TMEM132D: variants seen among roughly 807,000 people sequenced by gnomAD.
The protein encoded by TMEM132D is transmembrane protein 132D.
In TMEM132D, 21 loss-of-function variants were observed where a neutral mutation model predicts 62.3. The observed-to-expected ratio is 0.34, with a 90% CI of 0.24 to 0.49. TMEM132D has a LOEUF of 0.49. TMEM132D is among the 20% of genes least tolerant of loss of function. The probability of loss-of-function intolerance (pLI) is 0.99; values close to 1 mark genes in which losing one functional copy is unlikely to be tolerated. For missense variants in TMEM132D, 1,346 were observed against 1,402.8 expected, an observed-to-expected ratio of 0.96 and a Z score of 0.65; for synonymous variants, 621 against 575.6, an observed-to-expected ratio of 1.08 and a Z score of -1.13.
At chr12:129,614,496 T>C (rs1878863495) in intron 2 of TMEM132D, among the ~76,000 whole-genome samples, 1 of 152,240 alleles carries the variant, frequency 6.6e-6, no homozygotes, top group South Asian at 2.1e-4. Flanking sequence ...GCAATCACTC[T>C]GCTATAATCC....
chr12:129,429,853 A>G (rs1000684843), intron 3 of TMEM132D, among the ~76,000 whole-genome samples: 5 of 150,640 alleles, frequency 3.3e-5, no homozygotes, highest in Non-Finnish European at 7.4e-5. Context: ...TGTCCTTGCA[A>G]TAGTTTGCTG....
chr12:129,126,899 C>G (rs986300772), intron 5 of TMEM132D, among the ~76,000 whole-genome samples: 2 of 152,228 alleles, frequency 1.3e-5, no homozygotes, highest in Admixed American at 1.3e-4. Flanking sequence ...GACACTGGCA[C>G]GCTGAGATGC....
At chr12:129,819,105 T>C (rs1872463622) in intron 1 of TMEM132D, among the ~76,000 whole-genome samples, 1 of 151,988 alleles carries the variant, frequency 6.6e-6, no homozygotes, top group Non-Finnish European at 1.5e-5. Context: ...ACACAACTGC[T>C]GTCTTGCGGG....
At chr12:129,366,587 T>A (rs1189616654) in intron 3 of TMEM132D, among the ~76,000 whole-genome samples, 1 of 152,210 alleles carries the variant, frequency 6.6e-6, no homozygotes, top group Non-Finnish European at 1.5e-5. Flanking sequence ...CAGTTTCAGG[T>A]CTTTCTTTAT....
At chr12:129,862,765 T>G (rs1873937484) in intron 1 of TMEM132D, among the ~76,000 whole-genome samples, 1 of 152,148 alleles carries the variant, frequency 6.6e-6, no homozygotes, top group African/African-American at 2.4e-5. Flanking sequence ...TACCCCCATG[T>G]TGGATAAAAC....
chr12:129,109,017 A>G (rs995407457), intron 5 of TMEM132D, among the ~76,000 whole-genome samples: 1 of 152,238 alleles, frequency 6.6e-6, no homozygotes, highest in African/African-American at 2.4e-5. Flanking sequence ...TCAATAATCA[A>G]TTTCTTGTTT....
intron 3 of TMEM132D, among the ~76,000 whole-genome samples, chr12:129,507,462 A>G (rs1046548593): frequency 3.9e-5 from 6 of 152,208 alleles, no homozygotes; most frequent in Admixed American, 2.6e-4. Context: ...AACCAACCCA[A>G]ATGATCATCA....
intron 1 of TMEM132D, among the ~76,000 whole-genome samples, chr12:129,719,714 C>T (rs1399631508): frequency 1.3e-5 from 2 of 152,208 alleles, no homozygotes; most frequent in African/African-American, 2.4e-5. Flanking sequence ...TATTTCAGGG[C>T]CTTCAGCTCC....
chr12:129,642,993 C>T (rs1263011083), intron 2 of TMEM132D, among the ~76,000 whole-genome samples: 1 of 144,012 alleles, frequency 6.9e-6, no homozygotes, highest in African/African-American at 2.6e-5. Flanking sequence ...GGCACAATCT[C>T]GGCTCACTGC....
chr12:129,157,894 A>G (rs1268154101), intron 5 of TMEM132D, among the ~76,000 whole-genome samples: 1 of 152,166 alleles, frequency 6.6e-6, no homozygotes, highest in Non-Finnish European at 1.5e-5. Flanking sequence ...GTGAAGGCCC[A>G]ATTAGGGGAG....
At chr12:129,131,845 A>G (rs889636804) in intron 5 of TMEM132D, among the ~76,000 whole-genome samples, 7 of 152,226 alleles carry the variant, frequency 4.6e-5, no homozygotes, top group African/African-American at 1.7e-4. Context: ...AAAGCATACA[A>G]TATGTGCTCT....
At chr12:129,760,836 C>T (rs142536628) in intron 1 of TMEM132D, among the ~76,000 whole-genome samples, 3 of 151,884 alleles carry the variant, frequency 2.0e-5, no homozygotes, top group Non-Finnish European at 4.4e-5. Flanking sequence ...CAACAGGCCC[C>T]GTGTGTGATG....
At chr12:129,453,210 C>T (rs965825587) in intron 3 of TMEM132D, among the ~76,000 whole-genome samples, 2 of 152,204 alleles carry the variant, frequency 1.3e-5, no homozygotes, top group African/African-American at 4.8e-5. Flanking sequence ...AATTGTCTTC[C>T]AGGAAACCAG....
chr12:129,626,998 G>C (rs1414003131), intron 2 of TMEM132D, among the ~76,000 whole-genome samples: 1 of 152,140 alleles, frequency 6.6e-6, no homozygotes, highest in Non-Finnish European at 1.5e-5. Flanking sequence ...AAAGGAGGAC[G>C]ATATGCAATG....
chr12:129,451,362 T>C (rs1873282278), intron 3 of TMEM132D, among the ~76,000 whole-genome samples: 1 of 152,230 alleles, frequency 6.6e-6, no homozygotes, highest in South Asian at 2.1e-4. Flanking sequence ...TGCAACTGCA[T>C]AGCTGCACCC....
intron 3 of TMEM132D, among the ~76,000 whole-genome samples, chr12:129,365,231 T>A (rs1045139847): frequency 6.6e-6 from 1 of 152,192 alleles, no homozygotes; most frequent in Non-Finnish European, 1.5e-5. Flanking sequence ...AGCTAAGGTA[T>A]CTTATCTGAC....
At chr12:129,318,784 TTGCTGC>T (rs573602458) in intron 4 of TMEM132D, among the ~76,000 whole-genome samples, 3 of 151,942 alleles carry the variant, frequency 2.0e-5, no homozygotes, top group East Asian at 3.9e-4. Context: ...TGGGTGGGTC[TTGCTGC>T]TGCTGCTGCT....
chr12:129,738,382 A>G (rs1354913097), intron 1 of TMEM132D, among the ~76,000 whole-genome samples: 7 of 152,166 alleles, frequency 4.6e-5, no homozygotes. Flanking sequence ...GAGAAAAGGG[A>G]GGAAGAAAAA....
chr12:129,647,160 A>G (rs964959133), intron 2 of TMEM132D, among the ~76,000 whole-genome samples: 1 of 148,402 alleles, frequency 6.7e-6, no homozygotes, highest in African/African-American at 2.5e-5. Context: ...ACAAAACAGT[A>G]TTATTTTGCA....
Sources: gnomAD v4.1 joint callset for allele counts (sites outside exome capture counted in the v4.1 genomes callset) on GRCh38, gnomAD v4.1.1 for gene constraint, MANE v1.5 for transcripts, NCBI Gene and HGNC (gene_info 2026-07-23, HGNC 2026-07-21) for gene names.